CCDC178: variants seen among roughly 807,000 people sequenced by gnomAD.
The protein encoded by CCDC178 is coiled-coil domain containing 178, also known as coiled-coil domain-containing protein 178.
Under a neutral mutation model 117.4 loss-of-function variants are expected in CCDC178, and 126 were observed. The ratio of observed to expected loss-of-function variants is 1.07; its 90% confidence interval spans 0.93 to 1.24. The LOEUF (loss-of-function observed/expected upper bound fraction) is 1.24. Among genes scored for constraint, CCDC178 ranks in the 50% most tolerant of loss-of-function variants. The pLI, the probability that CCDC178 is intolerant of heterozygous loss-of-function variation, is 0.00. For missense variants in CCDC178, 1,030 were observed against 986.9 expected, an observed-to-expected ratio of 1.04 and a Z score of -0.59; for synonymous variants, 283 against 313.4, an observed-to-expected ratio of 0.90 and a Z score of 1.02.
intron 12 of CCDC178, among the ~76,000 whole-genome samples, chr18:33,290,500 T>C (rs1453096213): frequency 6.6e-6 from 1 of 152,132 alleles, no homozygotes; most frequent in Admixed American, 6.5e-5. Flanking sequence ...CATGGGTATG[T>C]TTAGAAGTCC....
chr18:33,381,062 C>A (rs911897980), intron 5 of CCDC178, among the ~76,000 whole-genome samples: 4 of 152,154 alleles, frequency 2.6e-5, no homozygotes, highest in Non-Finnish European at 5.9e-5. Flanking sequence ...CCTTCTCATT[C>A]AAGTTCCTAC....
At chr18:33,086,917 G>A (rs751852014) in intron 21 of CCDC178, among the ~76,000 whole-genome samples, 1 of 148,280 alleles carries the variant, frequency 6.7e-6, no homozygotes, top group African/African-American at 2.5e-5. Context: ...AAATGTCTCC[G>A]GACACTGCAG....
intron 20 of CCDC178, among the ~76,000 whole-genome samples, chr18:33,098,799 T>C (rs2057581822): frequency 6.6e-6 from 1 of 152,038 alleles, no homozygotes; most frequent in African/African-American, 2.4e-5. Flanking sequence ...ACTTTACGGA[T>C]TCAGCTCTAT....
At chr18:33,092,500 A>T (rs1401302184) in intron 21 of CCDC178, among the ~76,000 whole-genome samples, 1 of 151,928 alleles carries the variant, frequency 6.6e-6, no homozygotes, top group Non-Finnish European at 1.5e-5. Context: ...CAGATAAAAA[A>T]TTGGCATTTC....
intron 21 of CCDC178, among the ~76,000 whole-genome samples, chr18:32,997,094 T>A (rs1299642489): frequency 6.6e-6 from 1 of 152,176 alleles, no homozygotes; most frequent in African/African-American, 2.4e-5. Flanking sequence ...TGAATTTAAG[T>A]TATCATCCCT....
intron 11 of CCDC178, among the ~76,000 whole-genome samples, chr18:33,314,890 C>G (rs2062395654): frequency 6.6e-6 from 1 of 152,178 alleles, no homozygotes; most frequent in Admixed American, 6.5e-5. Flanking sequence ...AGCTGAATTG[C>G]TGTCAGATCT....
intron 18 of CCDC178, among the ~76,000 whole-genome samples, chr18:33,219,863 A>G (rs919451730): frequency 5.3e-5 from 8 of 152,066 alleles, no homozygotes; most frequent in Admixed American, 5.3e-4. Context: ...TACATGGCAC[A>G]TGTATACATA....
intron 20 of CCDC178, among the ~76,000 whole-genome samples, chr18:33,196,746 T>C (rs1211607812): frequency 2.6e-5 from 4 of 152,192 alleles, no homozygotes; most frequent in Admixed American, 1.3e-4. Flanking sequence ...CTGATAATAT[T>C]TCCAGCACAA....
intron 5 of CCDC178, among the ~76,000 whole-genome samples, chr18:33,373,963 G>T (rs554100774): frequency 6.6e-6 from 1 of 152,026 alleles, no homozygotes; most frequent in African/African-American, 2.4e-5. Flanking sequence ...AACTGATTTT[G>T]GACTTTGAAA....
intron 3 of CCDC178, among the ~76,000 whole-genome samples, chr18:33,400,912 A>G (rs2063701546): frequency 2.6e-5 from 4 of 152,214 alleles, no homozygotes. Context: ...TTTGATTTAA[A>G]GTGAGAGACA....
Position 33,348,931 on chromosome 18 carries a change from A to T in CCDC178, c.416T>A (p.Val139Glu), listed in dbSNP as rs767338887. ...STKDLKEDWS[V>E]TTPVKEVKPG... ...TTTGACCTCTTTCACTGGTGTAGTT[A>T]CACTCCAATCTTCTTTCAGGTCTTT... The change falls in exon 8 of 23, where the codon GTA becomes GAA. Residue 139 changes from valine (V) to glutamate (E), a missense_variant. Val to Glu is a moderately radical substitution (Grantham distance 121). Transcript: ENST00000383096. 25 of 1,610,326 alleles carry T rather than the reference A, an allele frequency of 1.6e-5. No homozygotes were observed. In the African/African-American group the frequency reaches 3.3e-4, roughly 22 times the overall value.
chr18:33,388,030 C>T (rs534268524), intron 5 of CCDC178, among the ~76,000 whole-genome samples: 237 of 151,958 alleles, frequency 1.6e-3, no homozygotes, highest in African/African-American at 5.6e-3. Context: ...AAACAAACAA[C>T]CCCATTAAAA....
intron 21 of CCDC178, among the ~76,000 whole-genome samples, chr18:33,030,301 T>C (rs1424331185): frequency 1.3e-5 from 2 of 152,132 alleles, no homozygotes; most frequent in Admixed American, 1.3e-4. Flanking sequence ...GTTGCTGTTG[T>C]ATAATACATC....
chr18:32,983,061 A>AG (rs2055185088), intron 21 of CCDC178, among the ~76,000 whole-genome samples: 1 of 151,714 alleles, frequency 6.6e-6, no homozygotes. Context: ...GTATGTGGAA[A>AG]GGGGGTATTC....
chr18:33,423,403 C>T (rs1008643837), intron 2 of CCDC178, among the ~76,000 whole-genome samples: 3 of 151,974 alleles, frequency 2.0e-5, no homozygotes, highest in Non-Finnish European at 2.9e-5. Flanking sequence ...ATTTAGGGCA[C>T]GTTTTTAGGT....
chr18:33,063,636 C>T (rs1174220366), intron 21 of CCDC178, among the ~76,000 whole-genome samples: 2 of 152,138 alleles, frequency 1.3e-5, no homozygotes, highest in African/African-American at 4.8e-5. Context: ...ACACAGAGCC[C>T]AAGGGACCTC....
At chr18:33,379,191 TATATAATATATATATATTTCC>T (rs2063407181) in intron 5 of CCDC178, among the ~76,000 whole-genome samples, 1 of 145,556 alleles carries the variant, frequency 6.9e-6, no homozygotes. Flanking sequence ...TATTTCCATA[TATATAATATATATATATTTCC>T]ATATATATAT....
At chr18:32,987,660 C>A (rs1459092331) in intron 21 of CCDC178, among the ~76,000 whole-genome samples, 2 of 152,144 alleles carry the variant, frequency 1.3e-5, no homozygotes, top group Non-Finnish European at 2.9e-5. Flanking sequence ...CTTATGAGAT[C>A]ATAAAGCAAG....
chr18:33,301,044 A>G (rs1346891412), intron 11 of CCDC178, among the ~76,000 whole-genome samples: 1 of 152,210 alleles, frequency 6.6e-6, no homozygotes, highest in Non-Finnish European at 1.5e-5. Context: ...ATGGCCCAGG[A>G]GGAAAGAACT....
Sources: gnomAD v4.1 joint callset for allele counts (sites outside exome capture counted in the v4.1 genomes callset) on GRCh38, gnomAD v4.1.1 for gene constraint, MANE v1.5 for transcripts, NCBI Gene and HGNC (gene_info 2026-07-23, HGNC 2026-07-21) for gene names.